NEK11: variants seen among roughly 807,000 people sequenced by gnomAD.
NEK11 encodes the protein serine/threonine-protein kinase Nek11.
In NEK11, 72 loss-of-function variants were observed where a neutral mutation model predicts 80.7. That is an observed-to-expected ratio of 0.89 (90% confidence interval 0.74 to 1.08). NEK11 has a LOEUF of 1.08. Ranked by LOEUF, NEK11 falls within the 50% of genes least tolerant of loss-of-function variation. The probability of loss-of-function intolerance (pLI) is 0.00; values close to 1 mark genes in which losing one functional copy is unlikely to be tolerated. For synonymous variants in NEK11, 251 were observed against 260.7 expected (o/e 0.96, Z 0.36); for missense variants, 764 against 763.6 (o/e 1.00, Z -0.01).
At chr3:131,206,184 G>C (rs559246012) in intron 14 of NEK11, among the ~76,000 whole-genome samples, 2 of 152,128 alleles carry the variant, frequency 1.3e-5, no homozygotes, top group Non-Finnish European at 2.9e-5. Flanking sequence ...CACCCAAATA[G>C]TCAGGCTCTC....
intron 11 of NEK11, 148 bp downstream of exon 11, chr3:131,162,675 A>C: frequency 1.1e-6 from 1 of 886,278 alleles, no homozygotes; most frequent in Non-Finnish European, 1.7e-6. Context: ...TGTTCACTCC[A>C]AGATGATTAT....
At chr3:131,195,663 G>T (rs2093974623) in intron 14 of NEK11, among the ~76,000 whole-genome samples, 1 of 151,974 alleles carries the variant, frequency 6.6e-6, no homozygotes. Flanking sequence ...CTCCATAGAT[G>T]ATGTGAAGGT....
At chr3:131,160,210 A>G (rs756908538) in intron 10 of NEK11, among the ~76,000 whole-genome samples, 5 of 152,256 alleles carry the variant, frequency 3.3e-5, no homozygotes, top group Non-Finnish European at 5.9e-5. Context: ...AGGGAAGCCC[A>G]TCAAACTAAC....
At chr3:131,060,097 G>A (rs1232982193) in intron 3 of NEK11, among the ~76,000 whole-genome samples, 2 of 152,196 alleles carry the variant, frequency 1.3e-5, no homozygotes, top group Non-Finnish European at 2.9e-5. Context: ...CAATTCTATG[G>A]CCTTGAACAC....
At chr3:131,162,311 C>G in intron 10 of NEK11, 97 bp from the exon 11 acceptor site, 3 of 1,437,598 alleles carry the variant, frequency 2.1e-6, no homozygotes, top group Non-Finnish European at 2.8e-6. Context: ...GATGCTTTTG[C>G]TCTCAGTAGT....
intron 3 of NEK11, among the ~76,000 whole-genome samples, chr3:131,056,994 G>A (rs1373076168): frequency 4.0e-5 from 6 of 149,758 alleles, no homozygotes; most frequent in Non-Finnish European, 5.9e-5. Context: ...CCATTAACTC[G>A]TCATTTAGCA....
At chr3:131,298,179 A>G in intron 17 of NEK11, among the ~76,000 whole-genome samples, 1 of 146,702 alleles carries the variant, frequency 6.8e-6, no homozygotes, top group South Asian at 2.2e-4. Flanking sequence ...ACTTTAAAGT[A>G]GTTTTTTTCC....
intron 17 of NEK11, among the ~76,000 whole-genome samples, chr3:131,287,718 C>T (rs751398370): frequency 6.6e-6 from 1 of 152,170 alleles, no homozygotes; most frequent in Non-Finnish European, 1.5e-5. Flanking sequence ...ACAAGTCCTT[C>T]AACCCTCCAG....
chr3:131,129,666 G>T (rs1222836650), intron 5 of NEK11, among the ~76,000 whole-genome samples: 1 of 152,170 alleles, frequency 6.6e-6, no homozygotes, highest in African/African-American at 2.4e-5. Context: ...TATTGTATAT[G>T]AATGCCCAGT....
intron 14 of NEK11, among the ~76,000 whole-genome samples, chr3:131,211,693 C>A (rs1261782534): frequency 6.6e-6 from 1 of 152,088 alleles, no homozygotes; most frequent in Admixed American, 6.6e-5. Flanking sequence ...CTCTAAACTT[C>A]TCTTCTTGCT....
At chr3:131,133,351 G>A (rs562198848) in intron 6 of NEK11, 1 of 443,024 alleles carries the variant, frequency 2.3e-6, no homozygotes, top group African/African-American at 2.0e-5. Flanking sequence ...TGTGCAACTA[G>A]TTAGGCAAGT....
chr3:131,286,111 A>G (rs2096467042), intron 17 of NEK11, among the ~76,000 whole-genome samples: 1 of 152,168 alleles, frequency 6.6e-6, no homozygotes, highest in African/African-American at 2.4e-5. Flanking sequence ...GCAGGCCCTG[A>G]CTTTATGAGT....
At chr3:131,150,484 T>G (rs904777557) in intron 7 of NEK11, among the ~76,000 whole-genome samples, 1 of 152,058 alleles carries the variant, frequency 6.6e-6, no homozygotes, top group South Asian at 2.1e-4. Context: ...TGTTTTATAT[T>G]CCTGGTGGTT....
chr3:131,050,064 G>T (rs189527337), intron 3 of NEK11, among the ~76,000 whole-genome samples: 1 of 152,180 alleles, frequency 6.6e-6, no homozygotes, highest in Non-Finnish European at 1.5e-5. Flanking sequence ...AGGTTAATGG[G>T]GGGGTGTCCC....
At chr3:131,055,438 A>G (rs1267630156) in intron 3 of NEK11, among the ~76,000 whole-genome samples, 1 of 152,152 alleles carries the variant, frequency 6.6e-6, no homozygotes, top group Non-Finnish European at 1.5e-5. Context: ...ATTAAAGGCT[A>G]TAGATAAAAA....
At chr3:131,327,873 TAGCAC>T (rs1312752699) in intron 17 of NEK11, 1 of 152,216 alleles carries the variant, frequency 6.6e-6, no homozygotes, top group Non-Finnish European at 1.5e-5. Flanking sequence ...TTTTATTTTG[TAGCAC>T]TGAAAAAAAT....
chr3:131,170,085 T>C (rs960844177), intron 13 of NEK11, among the ~76,000 whole-genome samples: 7 of 152,224 alleles, frequency 4.6e-5, no homozygotes, highest in African/African-American at 1.7e-4. Flanking sequence ...AATTTTCTTT[T>C]ATTAAAAAGA....
chr3:131,044,355 T>G (rs558976765), intron 3 of NEK11, among the ~76,000 whole-genome samples: 2 of 129,656 alleles, frequency 1.5e-5, no homozygotes, highest in South Asian at 5.0e-4. Flanking sequence ...GAGACCCATC[T>G]CACGTGCAAA....
intron 14 of NEK11, among the ~76,000 whole-genome samples, chr3:131,194,769 C>G (rs1261655499): frequency 1.3e-5 from 2 of 152,122 alleles, no homozygotes; most frequent in African/African-American, 4.8e-5. Flanking sequence ...GATCATGCAA[C>G]TGAATGCATC....
Sources: allele counts gnomAD v4.1 joint callset (sites outside exome capture counted in the v4.1 genomes callset), GRCh38; gene constraint gnomAD v4.1.1; transcripts MANE v1.5; gene names NCBI Gene and HGNC (gene_info 2026-07-23, HGNC 2026-07-21).